The following ZNF536 variants were observed in gnomAD, a reference collection of about 807,000 sequenced individuals.
ZNF536 encodes the protein zinc finger protein 536.
A neutral mutation model predicts 84.5 loss-of-function variants in ZNF536; 13 were observed. The ratio of observed to expected loss-of-function variants is 0.15; its 90% confidence interval spans 0.10 to 0.24. The LOEUF is 0.24. ZNF536 is among the 10% of genes least tolerant of loss of function. ZNF536 has a pLI of 1.00. For missense variants in ZNF536, 1,536 were observed against 1,747.5 expected (o/e 0.88, Z 2.16); for synonymous variants, 811 against 742.5 (o/e 1.09, Z -1.50).
At chr19:30,709,743 G>T (rs1361872914) in intron 1 of ZNF536, among the ~76,000 whole-genome samples, 1 of 152,166 alleles carries the variant, frequency 6.6e-6, no homozygotes, top group Non-Finnish European at 1.5e-5. Flanking sequence ...TCCTGCCTAA[G>T]CCTCCTGAGT....
intron 1 of ZNF536, among the ~76,000 whole-genome samples, chr19:30,439,395 A>T (rs1188532104): frequency 6.6e-6 from 1 of 152,132 alleles, no homozygotes; most frequent in Non-Finnish European, 1.5e-5. Context: ...TGGATGGGTG[A>T]AGTGTCAAGG....
chr19:30,440,048 C>T (rs984896084), intron 1 of ZNF536, among the ~76,000 whole-genome samples: 6 of 148,498 alleles, frequency 4.0e-5, no homozygotes, highest in Non-Finnish European at 8.9e-5. Flanking sequence ...GGAACCTCCA[C>T]TTCCCGGGTT....
intron 1 of ZNF536, among the ~76,000 whole-genome samples, chr19:30,246,408 C>T (rs999703804): frequency 2.6e-5 from 4 of 152,170 alleles, no homozygotes; most frequent in Non-Finnish European, 5.9e-5. Context: ...AATCCTTCTG[C>T]GGCATCAAAT....
intron 1 of ZNF536, among the ~76,000 whole-genome samples, chr19:30,269,839 T>G (rs1428279879): frequency 6.6e-6 from 1 of 152,170 alleles, no homozygotes; most frequent in East Asian, 1.9e-4. Context: ...CGGAGGCAGC[T>G]GGCACCCATG....
intron 2 of ZNF536, among the ~76,000 whole-genome samples, chr19:30,474,413 T>C (rs534762413): frequency 3.9e-5 from 6 of 152,150 alleles, no homozygotes; most frequent in South Asian, 2.1e-4. Flanking sequence ...TATTGTTATC[T>C]GGGTCTTGTT....
chr19:30,377,321 C>T (rs772795547), intron 1 of ZNF536, among the ~76,000 whole-genome samples: 25 of 152,104 alleles, frequency 1.6e-4, no homozygotes, highest in Non-Finnish European at 3.1e-4. Flanking sequence ...CCACCACTCA[C>T]CCAAAGTTAG....
intron 1 of ZNF536, among the ~76,000 whole-genome samples, chr19:30,424,975 C>A (rs545790378): frequency 6.6e-6 from 1 of 151,976 alleles, no homozygotes; most frequent in Non-Finnish European, 1.5e-5. Context: ...CAGGGGTGTG[C>A]GTGGAGCCTT....
At chr19:30,354,211 C>A (rs538160286) in intron 3 of ZNF536, among the ~76,000 whole-genome samples, 62 of 150,598 alleles carry the variant, frequency 4.1e-4, no homozygotes, top group Middle Eastern at 3.4e-3. Context: ...TCATCAGATT[C>A]TCTGACACAG....
chr19:30,472,387 G>A (rs776349563), intron 2 of ZNF536, among the ~76,000 whole-genome samples: 2 of 152,130 alleles, frequency 1.3e-5, no homozygotes, highest in Admixed American at 1.3e-4. Context: ...CATCACTAAC[G>A]ATGCCCGGTA....
chr19:30,389,259 A>T (rs570687520), intron 1 of ZNF536, among the ~76,000 whole-genome samples: 10 of 152,182 alleles, frequency 6.6e-5, no homozygotes, highest in Non-Finnish European at 1.3e-4. Flanking sequence ...CGGAAGGCCA[A>T]CCATGTGGTT....
chr19:30,544,537 G>A (rs2045467487), intron 3 of ZNF536, among the ~76,000 whole-genome samples: 1 of 152,194 alleles, frequency 6.6e-6, no homozygotes, highest in Non-Finnish European at 1.5e-5. Context: ...CATGCTGTGT[G>A]TGAGTGTGAG....
Position 30,564,041 on chromosome 19 carries a change from G to C in ZNF536, c.169+14527G>C, listed in dbSNP as rs79529088. Among the ~76,000 whole-genome samples the C allele has an allele frequency of 6.1e-3, 924 of 152,300 alleles. 12 individuals carry two copies. Among genetic ancestry groups the C allele is most frequent in the African/African-American group, 0.021 (879 of 41,554 alleles). ...TGCCACAGAGGACCCAAGGGCTAAGGGGACCAGAAAACAAGAGGGGGTGAA... is the reference window on the plus strand; with the variant it reads ...TGCCACAGAGGACCCAAGGGCTAAGCGGACCAGAAAACAAGAGGGGGTGAA... On this transcript the variant is annotated intron_variant, in intron 1 of 1. Transcript: ENST00000592773.
chr19:30,275,982 C>T (rs773113405), intron 1 of ZNF536, among the ~76,000 whole-genome samples: 2 of 152,148 alleles, frequency 1.3e-5, no homozygotes, highest in Non-Finnish European at 2.9e-5. Flanking sequence ...TTCACTTTCC[C>T]TCTCTCCTTT....
rs1568512217 is a variant in ZNF536 at position 30,522,264 on chromosome 19, T to TATATATATATAC, written c.2171-12574_2171-12573insTACATATATATA. On this transcript the variant is annotated intron_variant, in intron 2 of 4. Coordinates refer to ENST00000355537, the MANE Select transcript of ZNF536 (RefSeq NM_014717.3). ...ATTGGCAGAGCTGGATATATATACA[T>TATATATATATAC]ATATATATACATATATATAATATAT... Among the ~76,000 whole-genome samples, 97 of 119,726 alleles carry TATATATATATAC rather than the reference T, an allele frequency of 8.1e-4. 2 individuals carry two copies. Among genetic ancestry groups the TATATATATATAC allele is most frequent in the African/African-American group, 2.3e-3 (84 of 36,294 alleles). The allele number at this position is 119,726 out of a possible 152,430, so 78.5% of individuals were successfully genotyped here.
chr19:30,488,367 G>C (rs1485082691), intron 2 of ZNF536, among the ~76,000 whole-genome samples: 1 of 152,040 alleles, frequency 6.6e-6, no homozygotes, highest in Non-Finnish European at 1.5e-5. Flanking sequence ...TTCGGGAAGT[G>C]CCCGTTGCAC....
chr19:30,290,834 C>T (rs1006531538), intron 2 of ZNF536, among the ~76,000 whole-genome samples: 1 of 152,152 alleles, frequency 6.6e-6, no homozygotes, highest in Non-Finnish European at 1.5e-5. Context: ...TGGTCTCCCT[C>T]CCTTTGCCCC....
intron 1 of ZNF536, among the ~76,000 whole-genome samples, chr19:30,257,696 T>G (rs2024982494): frequency 6.6e-6 from 1 of 152,220 alleles, no homozygotes; most frequent in Non-Finnish European, 1.5e-5. Context: ...TGAATGCTGT[T>G]GCTGGCCTGC....
chr19:30,604,091 A>AT (rs1385460564), intron 1 of ZNF536, among the ~76,000 whole-genome samples: 2 of 152,160 alleles, frequency 1.3e-5, no homozygotes, highest in Non-Finnish European at 2.9e-5. Flanking sequence ...CTCCATCTTA[A>AT]TTTAAAAAAA....
chr19:30,681,088 T>G (rs535597425), intron 1 of ZNF536, among the ~76,000 whole-genome samples: 1 of 152,276 alleles, frequency 6.6e-6, no homozygotes, highest in Non-Finnish European at 1.5e-5. Context: ...TTCCCCAACT[T>G]TCACTACAGC....
Sources: gnomAD v4.1 joint callset for allele counts (sites outside exome capture counted in the v4.1 genomes callset) on GRCh38, gnomAD v4.1.1 for gene constraint, MANE v1.5 for transcripts, NCBI Gene and HGNC (gene_info 2026-07-23, HGNC 2026-07-21) for gene names.